Variants in NRAP observed in about 807,000 individuals in gnomAD.
NRAP encodes nebulin-related-anchoring protein.
A neutral mutation model predicts 225.9 loss-of-function variants in NRAP; 189 were observed. The observed-to-expected ratio is 0.84, with a 90% CI of 0.74 to 0.94. The LOEUF is 0.94. Ranked by LOEUF, NRAP falls within the 40% of genes least tolerant of loss-of-function variation. The pLI, the probability that NRAP is intolerant of heterozygous loss-of-function variation, is 0.00. For missense variants in NRAP, 2,176 were observed against 2,168.7 expected (o/e 1.00, Z -0.07); for synonymous variants, 769 against 790.7 (o/e 0.97, Z 0.46).
chr10:113,602,633 C>G (rs1202709208), intron 35 of NRAP, among the ~76,000 whole-genome samples: 1 of 152,182 alleles, frequency 6.6e-6, no homozygotes. Context: ...AAAATCATTA[C>G]TGCAATTAAT....
chr10:113,622,123 C>T lies in NRAP; in HGVS notation c.2515G>A (p.Val839Ile), dbSNP rs1432766066. ...SRGKLIGAKDVQGDSQMSHSL... is the reference protein window; with the variant it reads ...SRGKLIGAKDIQGDSQMSHSL... ...TGGCTCATTTGCGAATCTCCCTGTACATCTTTTGCCCCAATGAGCTTCCCT... is the reference window on the plus strand; with the variant it reads ...TGGCTCATTTGCGAATCTCCCTGTATATCTTTTGCCCCAATGAGCTTCCCT... The change falls in exon 24 of 42, where the codon GTA becomes ATA. Residue 839 changes from valine (V) to isoleucine (I), a missense_variant. Val to Ile is a conservative substitution (Grantham distance 29). Around this residue, in one of 3 missense-constraint regions of NRAP, gnomAD observed 1,708 missense variants for 1,695.5 expected, o/e 1.01. Transcript: ENST00000359988. 1 of 1,614,062 alleles carries T rather than the reference C, an allele frequency of 6.2e-7. No individual in the cohort carries two copies. Among genetic ancestry groups the T allele is most frequent in the Non-Finnish European group, 8.5e-7 (1 of 1,179,904 alleles).
chr10:113,606,155 A>G (rs1489823208), intron 33 of NRAP, 23 bp downstream of exon 33: 1 of 1,559,924 alleles, frequency 6.4e-7, no homozygotes, highest in Non-Finnish European at 8.8e-7. Context: ...GCATGCTTGA[A>G]CTTAAGTAAC....
Position 113,613,254 on chromosome 10 carries a change from GA to G in NRAP, c.3301-824del, listed in dbSNP as rs562848524. ...TAGGTCAGCAACTCAAGATGGAAAG[GA>G]AAAAAAAAAAGTTATGAATGGGGAA... is the stretch of plus-strand genomic sequence containing the variant. On this transcript the variant is annotated intron_variant, in intron 29 of 41. Transcript: ENST00000359988. Among the ~76,000 whole-genome samples, 126 of 145,482 alleles carry G rather than the reference GA, an allele frequency of 8.7e-4. 1 individual carries two copies. The highest frequency in any genetic ancestry group is 1.8e-3 in the East Asian group (9 of 5,040).
chr10:113,640,303 T>G lies in NRAP; in HGVS notation c.1352A>C (p.Asp451Ala), dbSNP rs534732732. Residue 451 changes from aspartate (D) to alanine (A), a missense_variant, in exon 14 of 42, where the codon GAT (aspartate) becomes GCT (alanine). Transcript: ENST00000359988. ...GGCTGGGTAGTTGTAGTCGACAATA[T>G]CATGTTTATAATCAGCTTTGTAGGC... ...NVAYKADYKH[D>A]IVDYNYPATL... The G allele has an allele frequency of 3.4e-5, 54 of 1,599,666 alleles. No homozygotes were observed. In the South Asian group the frequency reaches 5.4e-4, roughly 16 times the overall value.
At chr10:113,603,966 A>T (rs1270553994) in intron 35 of NRAP, among the ~76,000 whole-genome samples, 1 of 152,176 alleles carries the variant, frequency 6.6e-6, no homozygotes, top group Admixed American at 6.5e-5. Context: ...ATGTACAACC[A>T]TTGACATATT....
intron 14 of NRAP, among the ~76,000 whole-genome samples, chr10:113,635,992 A>G (rs1288488719): frequency 6.6e-6 from 1 of 152,136 alleles, no homozygotes; most frequent in African/African-American, 2.4e-5. Context: ...TGGACATCTG[A>G]ATCTCTGTGC....
chr10:113,645,641 T>G (rs1359472881), intron 11 of NRAP, among the ~76,000 whole-genome samples, 184 bp downstream of exon 11: 1 of 152,192 alleles, frequency 6.6e-6, no homozygotes, highest in Non-Finnish European at 1.5e-5. Context: ...GATCTCGAAC[T>G]CCCAACCTCA....
intron 26 of NRAP, among the ~76,000 whole-genome samples, chr10:113,616,342 C>T (rs1847660732): frequency 6.6e-6 from 1 of 152,176 alleles, no homozygotes; most frequent in African/African-American, 2.4e-5. Flanking sequence ...TTAATAATGA[C>T]ACATGCAGTT....
At chr10:113,620,030 A>G (rs1270806128) in intron 25 of NRAP, among the ~76,000 whole-genome samples, 2 of 152,202 alleles carry the variant, frequency 1.3e-5, no homozygotes, top group African/African-American at 4.8e-5. Flanking sequence ...CGAAGTTGAA[A>G]AACTCAGAAA....
Position 113,589,485 on chromosome 10 carries a change from C to A in NRAP, c.5088+181G>T, listed in dbSNP as rs1304856640. The stretch of plus-strand genomic sequence containing the variant: ...GAGAAAGCCCTGCAGGAAGTTTAAC[C>A]TGCGTGTCATCTGCCTGGTCATCTC... On this transcript the variant is annotated intron_variant, in intron 41 of 41. Coordinates refer to ENST00000359988, the MANE Select transcript of NRAP (RefSeq NM_198060.4). The A allele has an allele frequency of 8.8e-6, 6 of 683,968 alleles. No homozygotes were observed. In the East Asian group the frequency reaches 1.6e-4, roughly 19 times the overall value. 42.4% of individuals were successfully genotyped at this position (683,968 alleles called of 1,614,324 possible).
intron 4 of NRAP, 146 bp downstream of exon 4, chr10:113,657,324 T>G: frequency 3.3e-6 from 2 of 603,768 alleles, no homozygotes; most frequent in East Asian, 2.8e-5. Context: ...ACACGCTGAT[T>G]GAGGTCTTCC....
intron 31 of NRAP, among the ~76,000 whole-genome samples, chr10:113,608,771 A>C (rs916037183): frequency 6.6e-6 from 1 of 152,202 alleles, no homozygotes; most frequent in Non-Finnish European, 1.5e-5. Flanking sequence ...GAATGTGAAC[A>C]TGACTATTTA....
At chr10:113,589,492 T>TC in intron 41 of NRAP, 174 bp downstream of exon 41, 1 of 710,742 alleles carries the variant, frequency 1.4e-6, no homozygotes, top group Admixed American at 2.9e-5. Context: ...AACCTGCGTG[T>TC]CATCTGCCTG....
At chr10:113,636,150 T>G (rs979335321) in intron 14 of NRAP, among the ~76,000 whole-genome samples, 1 of 152,214 alleles carries the variant, frequency 6.6e-6, no homozygotes, top group Admixed American at 6.5e-5. Context: ...TCCCACACAG[T>G]GTGGCAACTT....
At chr10:113,601,246 C>G (rs1302398404) in intron 35 of NRAP, among the ~76,000 whole-genome samples, 1 of 152,238 alleles carries the variant, frequency 6.6e-6, no homozygotes, top group East Asian at 1.9e-4. Context: ...ACCTCAGCAT[C>G]TCTGGGTCCC....
Position 113,597,188 on chromosome 10 carries a change from T to C in NRAP, c.4333-4A>G, listed in dbSNP as rs1444806576. On this transcript the variant is annotated splice_polypyrimidine_tract_variant and splice_region_variant and intron_variant, in intron 36 of 41. Coordinates refer to ENST00000359988, the MANE Select transcript of NRAP (RefSeq NM_198060.4). ...CTGGTTTTTTACGGTACTTGGTCTA[T>C]AAGATAAAGACAAAGATTCTCATGA... 2 of 1,581,848 alleles carry C rather than the reference T, an allele frequency of 1.3e-6. No individual in the cohort carries two copies. Among genetic ancestry groups the C allele is most frequent in the Non-Finnish European group, 1.7e-6 (2 of 1,150,586 alleles).
At chr10:113,606,541 AAATTT>A (rs1175862478) in intron 32 of NRAP, among the ~76,000 whole-genome samples, 2 of 152,220 alleles carry the variant, frequency 1.3e-5, no homozygotes, top group African/African-American at 2.4e-5. Flanking sequence ...AAAGAAAAAT[AAATTT>A]AAGAATACTC....
At chr10:113,596,361 C>T (rs771959744) in intron 37 of NRAP, among the ~76,000 whole-genome samples, 1 of 152,122 alleles carries the variant, frequency 6.6e-6, no homozygotes, top group African/African-American at 2.4e-5. Context: ...TGTAATATTC[C>T]GATCAATTCC....
In NRAP at chr10:113,601,029, G is replaced by A. The variant is rs546307850; in HGVS notation, c.4228-2956C>T. 6.6e-4 allele frequency among the ~76,000 whole-genome samples: 100 copies of A among 152,250 alleles called. 1 individual carries two copies. Among genetic ancestry groups the A allele is most frequent in the African/African-American group, 1.9e-3 (81 of 41,542 alleles). On this transcript the variant is annotated intron_variant, in intron 35 of 41. Coordinates refer to ENST00000359988, the MANE Select transcript of NRAP (RefSeq NM_198060.4). The stretch of plus-strand genomic sequence containing the variant: ...TGACATTTCCTGCATGTGCCTTTCC[G>A]GACTCCCAGCAGCCTGGTCTGAGAC...
Sources: gnomAD v4.1 joint callset for allele counts (sites outside exome capture counted in the v4.1 genomes callset) on GRCh38, gnomAD v4.1.1 for gene constraint, gnomAD v4.1.1 regional missense constraint, MANE v1.5 for transcripts, NCBI Gene and HGNC (gene_info 2026-07-23, HGNC 2026-07-21) for gene names.